Variants in SESTD1 observed in about 807,000 individuals in gnomAD.
SESTD1 encodes SEC14 domain and spectrin repeat-containing protein 1.
SESTD1 carries 43 observed loss-of-function variants against 101.7 expected under a neutral mutation model. The ratio of observed to expected loss-of-function variants is 0.42; its 90% CI spans 0.33 to 0.55. SESTD1 has a LOEUF of 0.55. SESTD1 is among the 20% of genes least tolerant of loss of function. The probability of loss-of-function intolerance (pLI) is 0.07; values close to 1 mark genes in which losing one functional copy is unlikely to be tolerated. For synonymous variants in SESTD1, 283 were observed against 286.8 expected, an observed-to-expected ratio of 0.99 and a Z score of 0.13; for missense variants, 647 against 815.1, an observed-to-expected ratio of 0.79 and a Z score of 2.51.
In SESTD1 at chr2:179,102,509, T is replaced by TG. The variant is rs1476553261; in HGVS notation, c.*7389dup. On this transcript the variant is annotated 3_prime_UTR_variant, in exon 18 of 18. Coordinates refer to ENST00000428443, the MANE Select transcript of SESTD1 (RefSeq NM_178123.5). ...TATCAAAGAAATACATACCAAAACC[T>TG]GCTGCCATTATAGTTGTTAACATTT... The TG allele has an allele frequency of 6.6e-6, 1 of 152,164 alleles. No homozygotes were observed. The highest frequency in any genetic ancestry group is 2.4e-5 in the African/African-American group (1 of 41,436). 9.4% of individuals were successfully genotyped at this position (152,164 alleles called of 1,614,324 possible).
intron 5 of SESTD1, 123 bp from the exon 6 acceptor site, chr2:179,151,514 A>G (rs1302349663): frequency 3.7e-6 from 2 of 537,018 alleles, no homozygotes; most frequent in Non-Finnish European, 6.3e-6. Flanking sequence ...ACACATTATC[A>G]TTTACTTAAT....
At chr2:179,229,627 G>A (rs1186154028) in intron 1 of SESTD1, among the ~76,000 whole-genome samples, 1 of 151,412 alleles carries the variant, frequency 6.6e-6, no homozygotes. Flanking sequence ...AACAAGGACG[G>A]CGGTAAAAAG....
At chr2:179,197,150 T>G (rs552616418) in intron 1 of SESTD1, among the ~76,000 whole-genome samples, 8 of 151,710 alleles carry the variant, frequency 5.3e-5, no homozygotes, top group Admixed American at 3.3e-4. Flanking sequence ...GCTCGAGAAC[T>G]ACGTGAAGAA....
At chr2:179,149,799 G>A (rs1422444682) in intron 6 of SESTD1, among the ~76,000 whole-genome samples, 1 of 152,094 alleles carries the variant, frequency 6.6e-6, no homozygotes, top group African/African-American at 2.4e-5. Context: ...CATAATAGTT[G>A]TTATATACAT....
chr2:179,143,545 T>C (rs1575439513), intron 9 of SESTD1, 47 bp downstream of exon 9: 1 of 1,539,804 alleles, frequency 6.5e-7, no homozygotes, highest in East Asian at 2.3e-5. Context: ...ATAGTAGAAA[T>C]TATAAGGAAT....
In SESTD1 at chr2:179,122,028, T is replaced by A. The variant is rs1559099575; in HGVS notation, c.1283-99A>T. 1.3e-5 allele frequency: 16 copies of A among 1,230,760 alleles called. No homozygotes were observed. The highest frequency in any genetic ancestry group is 1.6e-5 in the Non-Finnish European group (15 of 917,748). 76.2% of individuals were successfully genotyped at this position (1,230,760 alleles called of 1,614,324 possible). A position where few individuals can be genotyped will look rare whatever the true frequency, so the allele number is the denominator to read the frequency against. ...TCAGATATTGTACCTGGATCCCAAG[T>A]ATAGGAGCTTTGTACAGTAAACCAC... On this transcript the variant is annotated intron_variant, in intron 12 of 17. Coordinates refer to ENST00000428443, the MANE Select transcript of SESTD1 (RefSeq NM_178123.5).
intron 10 of SESTD1, among the ~76,000 whole-genome samples, chr2:179,125,733 A>C (rs1248422716): frequency 1.3e-5 from 2 of 152,080 alleles, no homozygotes; most frequent in Non-Finnish European, 2.9e-5. Context: ...TCTCATTCTC[A>C]TGATCATTTA....
chr2:179,132,310 C>T lies in SESTD1; in HGVS notation c.966G>A (p.Gln322=). The T allele has an allele frequency of 6.4e-7, 1 of 1,551,804 alleles. No homozygotes were observed. The highest frequency in any genetic ancestry group is 8.6e-7 in the Non-Finnish European group (1 of 1,161,350). Residue 322 remains glutamine (Q), a synonymous_variant, in exon 10 of 18, where the codon CAG becomes CAA. Transcript: ENST00000428443. ...AGAGGAAAAAGCCTCTCACACTGTG[C>T]TGGCTCTCAATCTCTTCGTGTTTCT... ...LQQKHEEIES[Q]HSEWFAVYVE...
intron 5 of SESTD1, among the ~76,000 whole-genome samples, chr2:179,158,613 T>A (rs1024563722): frequency 6.6e-5 from 10 of 152,262 alleles, no homozygotes; most frequent in South Asian, 4.1e-4. Flanking sequence ...ATAATTTTTT[T>A]AAAAAAATTG....
intron 13 of SESTD1, among the ~76,000 whole-genome samples, chr2:179,118,697 TTGA>T (rs1375546422): frequency 2.0e-5 from 3 of 151,960 alleles, no homozygotes; most frequent in Non-Finnish European, 4.4e-5. Flanking sequence ...GTAGGCCACT[TTGA>T]TGAAGATGGT....
chr2:179,151,023 A>G (rs62177280), intron 6 of SESTD1, among the ~76,000 whole-genome samples: 8,401 of 152,266 alleles, frequency 0.055, 323 homozygotes, highest in South Asian at 0.14. Flanking sequence ...TACTATCACC[A>G]TATTACAGAT....
chr2:179,190,822 A>G (rs2046309118), intron 2 of SESTD1, among the ~76,000 whole-genome samples: 1 of 152,240 alleles, frequency 6.6e-6, no homozygotes. Context: ...TGACAATGAA[A>G]TATCATCTCA....
At chr2:179,122,910 A>T (rs1182383006) in intron 12 of SESTD1, among the ~76,000 whole-genome samples, 1 of 152,166 alleles carries the variant, frequency 6.6e-6, no homozygotes, top group Non-Finnish European at 1.5e-5. Flanking sequence ...AAATAAAATA[A>T]CAAAGGCTGT....
intron 10 of SESTD1, among the ~76,000 whole-genome samples, chr2:179,130,456 A>T (rs780251557): frequency 6.6e-6 from 1 of 152,164 alleles, no homozygotes; most frequent in Non-Finnish European, 1.5e-5. Flanking sequence ...ATATATTAAA[A>T]ATACAAAACC....
chr2:179,213,731 T>C lies in SESTD1; in HGVS notation c.-25-21865A>G, dbSNP rs970636453. Among the ~76,000 whole-genome samples, 3 of 135,030 alleles carry C rather than the reference T, an allele frequency of 2.2e-5. 1 individual carries two copies. The South Asian group carries it at 8.5e-4, about 38-fold the overall frequency. 88.6% of individuals were successfully genotyped at this position (135,030 alleles called of 152,430 possible). On this transcript the variant is annotated intron_variant, in intron 1 of 17. Transcript: ENST00000428443. ...CAAGGTTGAAATGAAGGAAAAAATG[T>C]TAAAGACAACCATAGAGAAAGGTTG...
intron 5 of SESTD1, among the ~76,000 whole-genome samples, chr2:179,155,488 T>C (rs2045610531): frequency 6.6e-6 from 1 of 152,074 alleles, no homozygotes; most frequent in South Asian, 2.1e-4. Context: ...TGGTGGCTCA[T>C]GTTTGTAATC....
chr2:179,134,628 C>T (rs1465193713), intron 9 of SESTD1, among the ~76,000 whole-genome samples: 2 of 151,832 alleles, frequency 1.3e-5, no homozygotes, highest in African/African-American at 2.4e-5. Flanking sequence ...TTTTATTTTC[C>T]CAGAAAAGGT....
chr2:179,119,051 T>C (rs922421261), intron 13 of SESTD1, among the ~76,000 whole-genome samples: 1 of 152,216 alleles, frequency 6.6e-6, no homozygotes, highest in Non-Finnish European at 1.5e-5. Flanking sequence ...GGGAATGTTA[T>C]AGAAGATAAA....
At position 179,150,976 on chromosome 2, in the gene SESTD1, T is replaced by A. The variant is rs182583420; in HGVS notation, c.483+302A>T. ...CTAAATGCTTTATATGTATATTCATTTCATTTTACCCATAATCACACAAAG... is the reference window on the plus strand; with the variant it reads ...CTAAATGCTTTATATGTATATTCATATCATTTTACCCATAATCACACAAAG... On this transcript the variant is annotated intron_variant, in intron 6 of 17. Transcript: ENST00000428443. 4.6e-5 allele frequency among the ~76,000 whole-genome samples: 7 copies of A among 152,334 alleles called. No individual in the cohort carries two copies. The East Asian group carries it at 1.3e-3, about 29-fold the overall frequency.
Sources: allele counts gnomAD v4.1 joint callset (sites outside exome capture counted in the v4.1 genomes callset), GRCh38; gene constraint gnomAD v4.1.1; transcripts MANE v1.5; gene names NCBI Gene and HGNC (gene_info 2026-07-23, HGNC 2026-07-21).